DIAPH3: variants seen among roughly 807,000 people sequenced by gnomAD.
DIAPH3 encodes the protein diaphanous related formin 3, also known as protein diaphanous homolog 3.
A neutral mutation model predicts 144.3 loss-of-function variants in DIAPH3; 117 were observed. The ratio of observed to expected loss-of-function variants is 0.81; its 90% confidence interval spans 0.70 to 0.95. DIAPH3 has a LOEUF of 0.95. Among genes scored for constraint, DIAPH3 ranks in the 40% least tolerant of loss-of-function variants. The probability of loss-of-function intolerance (pLI) is 0.00; values close to 1 mark genes in which losing one functional copy is unlikely to be tolerated. For synonymous variants in DIAPH3, 519 were observed against 488.9 expected, an observed-to-expected ratio of 1.06 and a Z score of -0.81; for missense variants, 1,421 against 1,412.7, an observed-to-expected ratio of 1.01 and a Z score of -0.09.
intron 21 of DIAPH3, among the ~76,000 whole-genome samples, chr13:59,869,773 T>C (rs1252605063): frequency 6.6e-6 from 1 of 152,218 alleles, no homozygotes; most frequent in Non-Finnish European, 1.5e-5. Flanking sequence ...TTTCATACAT[T>C]TACCTGACAC....
intron 1 of DIAPH3, among the ~76,000 whole-genome samples, chr13:60,160,249 A>T (rs1424796242): frequency 6.6e-6 from 1 of 152,132 alleles, no homozygotes; most frequent in Non-Finnish European, 1.5e-5. Flanking sequence ...AGAAAAGAAA[A>T]ATCTCAAAAC....
chr13:60,133,030 C>T (rs1241378692), intron 1 of DIAPH3, 41 bp from the exon 2 acceptor site: 1 of 1,446,010 alleles, frequency 6.9e-7, no homozygotes, highest in South Asian at 1.2e-5. Flanking sequence ...TAATTTATAA[C>T]AGCTTCTTTA....
chr13:59,722,220 G>C (rs1348053391), intron 27 of DIAPH3, among the ~76,000 whole-genome samples: 1 of 152,138 alleles, frequency 6.6e-6, no homozygotes, highest in East Asian at 1.9e-4. Flanking sequence ...GAGGTCCTTA[G>C]GAAACATTTT....
At chr13:60,160,783 T>C (rs1158518869) in intron 1 of DIAPH3, among the ~76,000 whole-genome samples, 1 of 152,182 alleles carries the variant, frequency 6.6e-6, no homozygotes, top group East Asian at 1.9e-4. Flanking sequence ...GAGACCAAGT[T>C]GGTTAATTCA....
At chr13:59,713,506 A>T (rs2034863646) in intron 27 of DIAPH3, among the ~76,000 whole-genome samples, 1 of 152,184 alleles carries the variant, frequency 6.6e-6, no homozygotes, top group Non-Finnish European at 1.5e-5. Flanking sequence ...TGGGATGGGG[A>T]AGTAGTATTC....
At chr13:59,898,266 C>G (rs1176984618) in intron 20 of DIAPH3, among the ~76,000 whole-genome samples, 2 of 152,060 alleles carry the variant, frequency 1.3e-5, no homozygotes, top group South Asian at 2.1e-4. Flanking sequence ...CTCACCACAG[C>G]TCTGTGAGAC....
chr13:59,880,544 T>C (rs778995037), intron 20 of DIAPH3, among the ~76,000 whole-genome samples: 1 of 152,126 alleles, frequency 6.6e-6, no homozygotes, highest in Admixed American at 6.6e-5. Flanking sequence ...TCATGATTGT[T>C]TGGGATACAG....
chr13:59,828,583 T>C (rs2041588639), intron 24 of DIAPH3, among the ~76,000 whole-genome samples: 1 of 146,260 alleles, frequency 6.8e-6, no homozygotes, highest in Non-Finnish European at 1.5e-5. Flanking sequence ...TGCAAAGACA[T>C]GGAGCTTCTC....
intron 3 of DIAPH3, among the ~76,000 whole-genome samples, chr13:60,107,684 A>T (rs138665055): frequency 1.3e-5 from 2 of 152,202 alleles, no homozygotes; most frequent in Admixed American, 6.5e-5. Flanking sequence ...TTTCTCCTAC[A>T]TTACAAAAAA....
chr13:59,845,693 T>C (rs1164901450), intron 22 of DIAPH3, among the ~76,000 whole-genome samples: 1 of 152,220 alleles, frequency 6.6e-6, no homozygotes, highest in African/African-American at 2.4e-5. Context: ...CCCTGGGTCA[T>C]AACCATTCAT....
chr13:59,688,675 C>T (rs1374075941), intron 27 of DIAPH3, among the ~76,000 whole-genome samples: 1 of 151,912 alleles, frequency 6.6e-6, no homozygotes. Context: ...GTGAGGTCCA[C>T]CTAGAGATAG....
chr13:59,914,293 ATACT>A (rs1011865908), intron 19 of DIAPH3, among the ~76,000 whole-genome samples: 3 of 152,214 alleles, frequency 2.0e-5, no homozygotes, highest in Non-Finnish European at 4.4e-5. Flanking sequence ...AATGAGGAAT[ATACT>A]TTTAAAATTA....
chr13:59,686,587 C>T (rs1163004763), intron 27 of DIAPH3, among the ~76,000 whole-genome samples: 3 of 151,602 alleles, frequency 2.0e-5, no homozygotes, highest in African/African-American at 2.4e-5. Flanking sequence ...AATGTGTTCA[C>T]GGACAAAACA....
intron 25 of DIAPH3, among the ~76,000 whole-genome samples, chr13:59,776,588 T>C (rs189339795): frequency 1.1e-4 from 17 of 151,840 alleles, no homozygotes; most frequent in Admixed American, 1.0e-3. Context: ...TGAAATCAAA[T>C]AGAAACAAAT....
At chr13:59,810,110 T>C (rs2040394739) in intron 25 of DIAPH3, among the ~76,000 whole-genome samples, 1 of 152,152 alleles carries the variant, frequency 6.6e-6, no homozygotes, top group South Asian at 2.1e-4. Context: ...AACAATTTTG[T>C]CATGTTTACA....
chr13:59,920,536 G>A (rs1324764678), intron 18 of DIAPH3, among the ~76,000 whole-genome samples: 4 of 151,334 alleles, frequency 2.6e-5, no homozygotes, highest in East Asian at 1.9e-4. Flanking sequence ...GTGTGTGCGT[G>A]TATATACATA....
chr13:59,986,949 A>G (rs1057121798), intron 12 of DIAPH3, among the ~76,000 whole-genome samples: 9 of 151,120 alleles, frequency 6.0e-5, no homozygotes, highest in African/African-American at 1.2e-4. Flanking sequence ...TAGAAATACC[A>G]TTTGACCCAG....
At chr13:59,775,357 C>T (rs970917649) in intron 25 of DIAPH3, among the ~76,000 whole-genome samples, 9 of 152,140 alleles carry the variant, frequency 5.9e-5, no homozygotes, top group African/African-American at 2.2e-4. Flanking sequence ...ATCCTCCTGC[C>T]TCAGCCTCCC....
In DIAPH3 at chr13:60,093,743, C is replaced by T. The variant is rs1381573963; in HGVS notation, c.391-11G>A. The T allele has an allele frequency of 6.4e-7, 1 of 1,557,984 alleles. No homozygotes were observed. The highest frequency in any genetic ancestry group is 1.7e-5 in the Admixed American group (1 of 59,894). ...TAAATTCATATCTTCCTGGAAAACACAATTAAAATGCCTCATTTTAGAATC... is the reference window on the plus strand; with the variant it reads ...TAAATTCATATCTTCCTGGAAAACATAATTAAAATGCCTCATTTTAGAATC... On this transcript the variant is annotated splice_polypyrimidine_tract_variant and intron_variant, in intron 3 of 27. Transcript: ENST00000400324.
Sources: allele counts gnomAD v4.1 joint callset (sites outside exome capture counted in the v4.1 genomes callset), GRCh38; gene constraint gnomAD v4.1.1; transcripts MANE v1.5; gene names NCBI Gene and HGNC (gene_info 2026-07-23, HGNC 2026-07-21).